PRKG1: variants seen among roughly 807,000 people sequenced by gnomAD.
The protein encoded by PRKG1 is cGMP-dependent protein kinase 1.
PRKG1 carries 35 observed loss-of-function variants against 88.1 expected under a neutral mutation model. That is an observed-to-expected ratio of 0.40 (90% CI 0.30 to 0.53). The LOEUF (loss-of-function observed/expected upper bound fraction) is 0.53. PRKG1 is among the 20% of genes least tolerant of loss of function. PRKG1 has a pLI of 0.59. For synonymous variants in PRKG1, 303 were observed against 292.5 expected, an observed-to-expected ratio of 1.04 and a Z score of -0.37; for missense variants, 540 against 839.8, an observed-to-expected ratio of 0.64 and a Z score of 4.41.
chr10:52,282,495 C>T (rs995005555), intron 14 of PRKG1, among the ~76,000 whole-genome samples, 179 bp downstream of exon 14: 3 of 152,022 alleles, frequency 2.0e-5, no homozygotes, highest in African/African-American at 4.8e-5. Flanking sequence ...ATAGTCCAGG[C>T]TAGGGCAACC....
chr10:52,240,144 T>C (rs1840821701), intron 9 of PRKG1, among the ~76,000 whole-genome samples: 1 of 152,204 alleles, frequency 6.6e-6, no homozygotes, highest in African/African-American at 2.4e-5. Flanking sequence ...AAGTATGCAC[T>C]GCATTAAAAA....
intron 7 of PRKG1, among the ~76,000 whole-genome samples, chr10:52,092,278 C>G (rs542533219): frequency 3.9e-5 from 6 of 152,236 alleles, no homozygotes; most frequent in African/African-American, 1.4e-4. Flanking sequence ...TGTAAAGTAA[C>G]AGCCTACCGA....
intron 5 of PRKG1, among the ~76,000 whole-genome samples, chr10:52,022,601 A>T (rs1845214213): frequency 6.6e-6 from 1 of 152,216 alleles, no homozygotes. Context: ...GGGAATAGGC[A>T]GAATAATATG....
chr10:51,022,369 C>G (rs1261251918), intron 1 of PRKG1, among the ~76,000 whole-genome samples: 1 of 152,206 alleles, frequency 6.6e-6, no homozygotes, highest in African/African-American at 2.4e-5. Context: ...CTTGACATCT[C>G]CTCTTCAGGG....
Position 51,580,534 on chromosome 10 carries a change from A to T in PRKG1, c.592+112698A>T, listed in dbSNP as rs138880883. On this transcript the variant is annotated intron_variant, in intron 3 of 17. Coordinates refer to ENST00000373980, the MANE Select transcript of PRKG1 (RefSeq NM_006258.4). Reference sequence around the variant, plus strand: ...GTTAAAATATTTTAAAAACATTATTAAGCTTTTATACCACTCCTCTTTCTT... The same window carrying T: ...GTTAAAATATTTTAAAAACATTATTTAGCTTTTATACCACTCCTCTTTCTT... Among the ~76,000 whole-genome samples the T allele has an allele frequency of 3.9e-3, 591 of 152,178 alleles. 3 individuals are homozygous for T. Among genetic ancestry groups the T allele is most frequent in the African/African-American group, 0.013 (545 of 41,538 alleles).
intron 3 of PRKG1, among the ~76,000 whole-genome samples, chr10:51,538,287 A>G (rs1378234616): frequency 6.7e-6 from 1 of 149,006 alleles, no homozygotes; most frequent in African/African-American, 2.5e-5. Context: ...AAATATTTGC[A>G]GCTTATGTAA....
chr10:51,828,384 G>A (rs1009937470), intron 4 of PRKG1, among the ~76,000 whole-genome samples: 4 of 152,078 alleles, frequency 2.6e-5, no homozygotes, highest in African/African-American at 9.7e-5. Context: ...TGCCTCATTG[G>A]TGCTCAGACT....
chr10:52,065,276 C>T (rs1022850056), intron 7 of PRKG1, among the ~76,000 whole-genome samples: 2 of 152,142 alleles, frequency 1.3e-5, no homozygotes, highest in Admixed American at 6.5e-5. Flanking sequence ...GAATAAGCAA[C>T]AACCAATAAA....
chr10:52,031,919 G>A lies in PRKG1; in HGVS notation c.763-22565G>A, dbSNP rs117199497. Among the ~76,000 whole-genome samples, 170 of 152,256 alleles carry A rather than the reference G, an allele frequency of 1.1e-3. 2 individuals are homozygous for A. In the East Asian group the frequency reaches 0.025, roughly 23 times the overall value. On this transcript the variant is annotated intron_variant, in intron 5 of 17. Coordinates refer to ENST00000373980, the MANE Select transcript of PRKG1 (RefSeq NM_006258.4). ...ATTCCAGGATGAGAGAGTAACAGATGTGAAGCCCACAAGGGAAAAGGCATC... is the reference window on the plus strand; with the variant it reads ...ATTCCAGGATGAGAGAGTAACAGATATGAAGCCCACAAGGGAAAAGGCATC...
intron 7 of PRKG1, among the ~76,000 whole-genome samples, chr10:52,072,781 C>T (rs556239944): frequency 1.3e-5 from 2 of 152,290 alleles, no homozygotes; most frequent in South Asian, 4.1e-4. Context: ...TGCCACTGTT[C>T]CTGTTAGTGC....
intron 1 of PRKG1, among the ~76,000 whole-genome samples, chr10:51,048,282 C>T (rs990815148): frequency 7.3e-5 from 11 of 151,680 alleles, no homozygotes; most frequent in African/African-American, 2.7e-4. Flanking sequence ...CTTTCTTTTA[C>T]TTCCCCTCTC....
At chr10:51,988,210 A>G (rs1844212633) in intron 5 of PRKG1, among the ~76,000 whole-genome samples, 1 of 152,074 alleles carries the variant, frequency 6.6e-6, no homozygotes. Flanking sequence ...ATATACATAA[A>G]TTATATTTCA....
At chr10:51,707,589 CT>C (rs397959919) in intron 3 of PRKG1, among the ~76,000 whole-genome samples, 3,933 of 147,220 alleles carry the variant, frequency 0.027, 68 homozygotes, top group Middle Eastern at 0.064. Context: ...ACGCATGAAT[CT>C]TTTTTTTTTT....
At chr10:52,108,880 G>T (rs1564472274) in intron 7 of PRKG1, among the ~76,000 whole-genome samples, 1 of 77,372 alleles carries the variant, frequency 1.3e-5, no homozygotes, top group Non-Finnish European at 2.6e-5. Context: ...AAGTTGGAGT[G>T]CAGTGGCGCA....
At chr10:51,082,525 A>G (rs1418571224) in intron 1 of PRKG1, among the ~76,000 whole-genome samples, 2 of 152,334 alleles carry the variant, frequency 1.3e-5, no homozygotes, top group African/African-American at 2.4e-5. Context: ...ATGATTCTCC[A>G]TGTAACTTTA....
chr10:51,325,803 T>C (rs1487968936), intron 2 of PRKG1, among the ~76,000 whole-genome samples: 1 of 152,136 alleles, frequency 6.6e-6, no homozygotes, highest in Non-Finnish European at 1.5e-5. Context: ...CAACAAGACC[T>C]GGTCCCCCAG....
At chr10:52,072,034 C>G (rs767782989) in intron 7 of PRKG1, among the ~76,000 whole-genome samples, 1 of 152,002 alleles carries the variant, frequency 6.6e-6, no homozygotes, top group Non-Finnish European at 1.5e-5. Flanking sequence ...TCGCCCTCTC[C>G]CGTGGGGCCA....
intron 5 of PRKG1, among the ~76,000 whole-genome samples, chr10:51,914,970 A>G (rs1842306652): frequency 6.6e-6 from 1 of 152,200 alleles, no homozygotes; most frequent in African/African-American, 2.4e-5. Context: ...GCTTAATGAT[A>G]TAGTAGGAAG....
intron 1 of PRKG1, among the ~76,000 whole-genome samples, chr10:51,015,644 T>C (rs1843048130): frequency 2.0e-5 from 3 of 152,184 alleles, no homozygotes; most frequent in Admixed American, 2.0e-4. Context: ...CCCAGCACTT[T>C]GGGAGGCCAA....
Sources: gnomAD v4.1 joint callset for allele counts (sites outside exome capture counted in the v4.1 genomes callset) on GRCh38, gnomAD v4.1.1 for gene constraint, MANE v1.5 for transcripts, NCBI Gene and HGNC (gene_info 2026-07-23, HGNC 2026-07-21) for gene names.